Variants in PLEKHG1 observed in about 807,000 individuals in gnomAD.
PLEKHG1 encodes the protein pleckstrin homology and RhoGEF domain containing G1, also known as pleckstrin homology domain-containing family G member 1.
In PLEKHG1, 44 loss-of-function variants were observed where a neutral mutation model predicts 100.8. That is an observed-to-expected ratio of 0.44 (90% CI 0.34 to 0.56). The LOEUF is 0.56. PLEKHG1 is among the 20% of genes least tolerant of loss of function. The probability of loss-of-function intolerance (pLI) is 0.01; values close to 1 mark genes in which losing one functional copy is unlikely to be tolerated. For synonymous variants in PLEKHG1, 640 were observed against 662.5 expected (o/e 0.97, Z 0.52); for missense variants, 1,545 against 1,720.9 (o/e 0.90, Z 1.81).
At chr6:150,696,810 A>G (rs190960996) in intron 3 of PLEKHG1, among the ~76,000 whole-genome samples, 15 of 152,316 alleles carry the variant, frequency 9.8e-5, no homozygotes, top group African/African-American at 3.6e-4. Flanking sequence ...TGGTGGCTTT[A>G]GAAATCAAAC....
intron 1 of PLEKHG1, among the ~76,000 whole-genome samples, chr6:150,731,343 T>G (rs1413266186): frequency 6.6e-6 from 1 of 152,222 alleles, no homozygotes; most frequent in East Asian, 1.9e-4. Flanking sequence ...GTGGTAGTGG[T>G]TATGCAGATA....
chr6:150,781,653 A>G (rs1425019298), intron 3 of PLEKHG1, among the ~76,000 whole-genome samples: 1 of 152,170 alleles, frequency 6.6e-6, no homozygotes, highest in Non-Finnish European at 1.5e-5. Context: ...ATCTTTCTAT[A>G]AAAGAAAATG....
intron 3 of PLEKHG1, among the ~76,000 whole-genome samples, chr6:150,701,125 A>G (rs111620887): frequency 0.043 from 6,524 of 151,580 alleles, 450 homozygotes; most frequent in African/African-American, 0.15. Flanking sequence ...TTTGAGACCC[A>G]CGTGGCCAAC....
chr6:150,777,796 G>C (rs1035056810), intron 3 of PLEKHG1, among the ~76,000 whole-genome samples: 9 of 152,058 alleles, frequency 5.9e-5, no homozygotes, highest in African/African-American at 1.4e-4. Context: ...ATGTGCGGTT[G>C]CACATCAGCC....
chr6:150,685,207 C>G (rs946687595), intron 3 of PLEKHG1, among the ~76,000 whole-genome samples: 4 of 152,080 alleles, frequency 2.6e-5, no homozygotes, highest in Non-Finnish European at 4.4e-5. Flanking sequence ...CTCCCCTGCT[C>G]TCTTCCCTGA....
intron 7 of PLEKHG1, among the ~76,000 whole-genome samples, chr6:150,807,659 A>G (rs1401087539): frequency 2.6e-5 from 4 of 152,190 alleles, no homozygotes; most frequent in Admixed American, 2.0e-4. Context: ...TAATGAATAC[A>G]AAACTTTACT....
chr6:150,792,506 C>T (rs905295102), intron 4 of PLEKHG1, among the ~76,000 whole-genome samples: 5 of 151,608 alleles, frequency 3.3e-5, no homozygotes, highest in African/African-American at 1.2e-4. Context: ...AACCCCATCT[C>T]TACTAAAGAT....
At chr6:150,828,105 A>G in intron 14 of PLEKHG1, 1 of 1,613,218 alleles carries the variant, frequency 6.2e-7, no homozygotes, top group Non-Finnish European at 8.5e-7. Context: ...CAAATTTATC[A>G]AAGCCATTTC....
At chr6:150,732,834 A>T (rs1376821137) in intron 1 of PLEKHG1, among the ~76,000 whole-genome samples, 1 of 152,032 alleles carries the variant, frequency 6.6e-6, no homozygotes, top group Non-Finnish European at 1.5e-5. Flanking sequence ...TGATCTGCCC[A>T]CCCCAGCCTC....
intron 1 of PLEKHG1, among the ~76,000 whole-genome samples, chr6:150,727,901 G>C (rs1288408546): frequency 6.6e-6 from 1 of 152,208 alleles, no homozygotes; most frequent in Non-Finnish European, 1.5e-5. Flanking sequence ...GAGAAGAAAA[G>C]CAGCAACTTA....
At position 150,764,123 on chromosome 6, in the gene PLEKHG1, C is replaced by CT. The variant is rs386408930; in HGVS notation, c.412-4504dup. On this transcript the variant is annotated intron_variant, in intron 2 of 15. Coordinates refer to ENST00000358517, the Ensembl canonical transcript of PLEKHG1. Reference sequence around the variant, plus strand: ...TCTCTCCTATTTTCTTTTTCTTTTTCTTTTTTTTTTTAAGACAGAGTTTAG... The same window carrying CT: ...TCTCTCCTATTTTCTTTTTCTTTTTCTTTTTTTTTTTTAAGACAGAGTTTAG... Among the ~76,000 whole-genome samples, 1,327 of 146,262 alleles carry CT rather than the reference C, an allele frequency of 9.1e-3. 17 individuals are homozygous for CT. Among genetic ancestry groups the CT allele is most frequent in the Non-Finnish European group, 0.014 (925 of 66,490 alleles).
chr6:150,668,542 C>CT (rs1779483763), intron 3 of PLEKHG1, among the ~76,000 whole-genome samples: 1 of 152,194 alleles, frequency 6.6e-6, no homozygotes, highest in East Asian at 1.9e-4. Flanking sequence ...GTGCTCAACT[C>CT]TCCTTTGATC....
intron 1 of PLEKHG1, among the ~76,000 whole-genome samples, chr6:150,606,156 T>C (rs930857908): frequency 2.6e-5 from 4 of 152,216 alleles, no homozygotes; most frequent in Admixed American, 2.6e-4. Flanking sequence ...ATTGCCGAAG[T>C]GTGTCAGGGA....
chr6:150,809,860 C>G, intron 10 of PLEKHG1, 126 bp downstream of exon 11: 1 of 558,336 alleles, frequency 1.8e-6, no homozygotes. Flanking sequence ...CAGAGTGAGA[C>G]TGTCTCAAAA....
chr6:150,699,662 ACTTAAGC>A (rs1448197626), intron 3 of PLEKHG1, among the ~76,000 whole-genome samples: 1 of 152,100 alleles, frequency 6.6e-6, no homozygotes, highest in Non-Finnish European at 1.5e-5. Flanking sequence ...CTATTAAATC[ACTTAAGC>A]CTCAGAACAC....
chr6:150,766,285 G>A (rs1282509288), intron 2 of PLEKHG1, among the ~76,000 whole-genome samples: 32 of 151,770 alleles, frequency 2.1e-4, no homozygotes, highest in Non-Finnish European at 4.4e-5. Context: ...AACCATAGGT[G>A]CTGACATCAA....
chr6:150,794,445 C>G (rs1786194106), intron 4 of PLEKHG1, among the ~76,000 whole-genome samples: 1 of 152,094 alleles, frequency 6.6e-6, no homozygotes, highest in African/African-American at 2.4e-5. Flanking sequence ...GCCGGTGGAT[C>G]ACTTGAGGCC....
In PLEKHG1 at chr6:150,771,099, G is replaced by A. The variant is rs1424916489; in HGVS notation, c.512+2361G>A. On this transcript the variant is annotated intron_variant, in intron 3 of 15. Coordinates refer to ENST00000358517, the Ensembl canonical transcript of PLEKHG1. Reference sequence around the variant, plus strand: ...TAATCGCTAGAGTTTAAATCTTTACGTGTCTCCTAATTTAAAGAAAAATAA... The same window carrying A: ...TAATCGCTAGAGTTTAAATCTTTACATGTCTCCTAATTTAAAGAAAAATAA... 4.6e-5 allele frequency among the ~76,000 whole-genome samples: 7 copies of A among 152,158 alleles called. No homozygotes were observed. In the South Asian group the frequency reaches 1.2e-3, roughly 27 times the overall value.
At chr6:150,711,117 G>A (rs1158494587) in intron 3 of PLEKHG1, among the ~76,000 whole-genome samples, 1 of 152,150 alleles carries the variant, frequency 6.6e-6, no homozygotes, top group Admixed American at 6.5e-5. Context: ...TCTTTTTAAC[G>A]TTTTTTAATA....
Sources: gnomAD v4.1 joint callset for allele counts (sites outside exome capture counted in the v4.1 genomes callset) on GRCh38, gnomAD v4.1.1 for gene constraint, MANE v1.5 for transcripts, NCBI Gene and HGNC (gene_info 2026-07-23, HGNC 2026-07-21) for gene names.